Variants in CREBL2 observed in about 807,000 individuals in gnomAD.
The protein encoded by CREBL2 is cAMP responsive element binding protein like 2.
In CREBL2, 4 loss-of-function variants were observed where a neutral mutation model predicts 19.5. The observed-to-expected ratio is 0.20, with a 90% confidence interval of 0.10 to 0.47. The LOEUF (loss-of-function observed/expected upper bound fraction) is 0.47, where lower values mean the gene tolerates loss of function less well. Among genes scored for constraint, CREBL2 ranks in the 20% least tolerant of loss-of-function variants. CREBL2 has a pLI of 0.98. For synonymous variants in CREBL2, 42 were observed against 46.6 expected, an observed-to-expected ratio of 0.90 and a Z score of 0.40; for missense variants, 85 against 145.1, an observed-to-expected ratio of 0.59 and a Z score of 2.13.
At chr12:12,638,842 CA>C (rs1185484558) in intron 3 of CREBL2, among the ~76,000 whole-genome samples, 2 of 152,136 alleles carry the variant, frequency 1.3e-5, no homozygotes, top group Non-Finnish European at 2.9e-5. Flanking sequence ...GTAAAATTCA[CA>C]TAACATAAAA....
chr12:12,625,151 G>A (rs1171846042), intron 1 of CREBL2, among the ~76,000 whole-genome samples: 15 of 152,166 alleles, frequency 9.9e-5, no homozygotes, highest in Admixed American at 9.8e-4. Flanking sequence ...CAACATTCGA[G>A]TGGGAAAACA....
In CREBL2 at chr12:12,620,526, G is replaced by A. The variant is rs59683624; in HGVS notation, c.15+8339G>A. Among the ~76,000 whole-genome samples the A allele has an allele frequency of 7.0e-3, 1,058 of 152,152 alleles. 16 individuals are homozygous for A. Among genetic ancestry groups the A allele is most frequent in the African/African-American group, 0.024 (986 of 41,502 alleles). On this transcript the variant is annotated intron_variant, in intron 1 of 3. Coordinates refer to ENST00000228865, the MANE Select transcript of CREBL2 (RefSeq NM_001310.4). Reference sequence around the variant, plus strand: ...ATTACGGACATGAGCCACCATGCCCGGCCGCCTTCCTTTCTTGTCTAGGTT... The same window carrying A: ...ATTACGGACATGAGCCACCATGCCCAGCCGCCTTCCTTTCTTGTCTAGGTT...
At position 12,635,988 on chromosome 12, in the gene CREBL2, A is replaced by ACCTTG; in HGVS notation, c.213+14_213+15insCCTTG. On this transcript the variant is annotated intron_variant, in intron 2 of 3. Transcript: ENST00000228865. ...GAACTGGAAATGGTAAGAAATCGTC[A>ACCTTG]GTAAACACATGAAAAAATCACCTTA... 1 of 1,604,184 alleles carries ACCTTG rather than the reference A, an allele frequency of 6.2e-7. No homozygotes were observed. The highest frequency in any genetic ancestry group is 1.1e-5 in the South Asian group (1 of 89,520).
intron 1 of CREBL2, among the ~76,000 whole-genome samples, chr12:12,630,076 T>C (rs1424262430): frequency 1.3e-5 from 2 of 152,278 alleles, no homozygotes; most frequent in East Asian, 3.9e-4. Context: ...TTTCTTCTGA[T>C]ATCTTTGGTT....
intron 1 of CREBL2, among the ~76,000 whole-genome samples, chr12:12,633,256 G>A (rs34975957): frequency 0.34 from 51,755 of 151,510 alleles, 9,207 homozygotes; most frequent in South Asian, 0.46. Context: ...TTGTTATAAT[G>A]TAATAAAAAC....
At chr12:12,612,359 C>G (rs1033988843) in intron 1 of CREBL2, among the ~76,000 whole-genome samples, 172 bp downstream of exon 1, 1 of 152,182 alleles carries the variant, frequency 6.6e-6, no homozygotes, top group African/African-American at 2.4e-5. Flanking sequence ...TCAGGGAACA[C>G]CGGGGCTGCG....
chr12:12,612,611 T>C (rs1945277061), intron 1 of CREBL2, among the ~76,000 whole-genome samples: 1 of 152,146 alleles, frequency 6.6e-6, no homozygotes, highest in Non-Finnish European at 1.5e-5. Context: ...GCCCCATTCA[T>C]ATAATCAGTT....
At chr12:12,641,865 C>A in intron 3 of CREBL2, 129 bp from the exon 4 acceptor site, 1 of 471,656 alleles carries the variant, frequency 2.1e-6, no homozygotes, top group Non-Finnish European at 3.7e-6. Context: ...TTTTTTTAGT[C>A]TGTATTTTTA....
intron 1 of CREBL2, among the ~76,000 whole-genome samples, chr12:12,618,457 C>A (rs1945332012): frequency 6.6e-6 from 1 of 151,202 alleles, no homozygotes; most frequent in Non-Finnish European, 1.5e-5. Context: ...AGGCGCTCCC[C>A]ACATCTCAGA....
In CREBL2 at chr12:12,642,109, C is replaced by T. The variant is rs1945527705; in HGVS notation, c.*111C>T. 1 of 693,220 alleles carries T rather than the reference C, an allele frequency of 1.4e-6. No homozygotes were observed. Among genetic ancestry groups the T allele is most frequent in the Admixed American group, 3.3e-5 (1 of 30,676 alleles). 42.9% of individuals were successfully genotyped at this position (693,220 alleles called of 1,614,324 possible). On this transcript the variant is annotated 3_prime_UTR_variant, in exon 4 of 4. Transcript: ENST00000228865. ...CATTTACTACCTACTGCTCAGTAGT[C>T]ATCTCTGTAAATCTGCAATTTCTAC...
chr12:12,631,042 T>A (rs555894478), intron 1 of CREBL2, among the ~76,000 whole-genome samples: 1 of 152,370 alleles, frequency 6.6e-6, no homozygotes, highest in East Asian at 1.9e-4. Context: ...GTTTAGCTTG[T>A]CTTAAAAGAG....
Position 12,644,922 on chromosome 12 carries a change from T to G in CREBL2, c.*2924T>G, listed in dbSNP as rs1024715302. The G allele has an allele frequency of 5.9e-5, 9 of 152,194 alleles. No homozygotes were observed. The highest frequency in any genetic ancestry group is 1.9e-4 in the African/African-American group (8 of 41,432). 9.4% of individuals were successfully genotyped at this position (152,194 alleles called of 1,614,324 possible). On this transcript the variant is annotated 3_prime_UTR_variant, in exon 4 of 4. Coordinates refer to ENST00000228865, the MANE Select transcript of CREBL2 (RefSeq NM_001310.4). The stretch of plus-strand genomic sequence containing the variant: ...TGCATATTATCCATTACATATTTAG[T>G]TTTAAAAGGAGGAGTCACCTTGAAT...
chr12:12,643,316 C>T lies in CREBL2; in HGVS notation c.*1318C>T, dbSNP rs1945539917. ...AATCAAGCTCATAATATGATACACC[C>T]AGACAGACCCAGAAATCTTTTGATT... On this transcript the variant is annotated 3_prime_UTR_variant, in exon 4 of 4. Coordinates refer to ENST00000228865, the MANE Select transcript of CREBL2 (RefSeq NM_001310.4). 6.6e-6 allele frequency: 1 copy of T among 152,624 alleles called. No individual in the cohort carries two copies. Among genetic ancestry groups the T allele is most frequent in the African/African-American group, 2.4e-5 (1 of 41,434 alleles). 9.5% of individuals were successfully genotyped at this position (152,624 alleles called of 1,614,324 possible).
At chr12:12,620,223 TTTC>T (rs1279611865) in intron 1 of CREBL2, among the ~76,000 whole-genome samples, 1 of 128,296 alleles carries the variant, frequency 7.8e-6, no homozygotes, top group Non-Finnish European at 1.7e-5. Flanking sequence ...ATGTGCTTGC[TTTC>T]TTTTCTTTTC....
chr12:12,628,324 G>A (rs941327580), intron 1 of CREBL2, among the ~76,000 whole-genome samples: 5 of 152,134 alleles, frequency 3.3e-5, no homozygotes, highest in African/African-American at 1.2e-4. Flanking sequence ...TTGGAGGAAT[G>A]TCTATCCAAA....
intron 3 of CREBL2, among the ~76,000 whole-genome samples, chr12:12,639,207 T>A (rs1945499395): frequency 6.6e-6 from 1 of 152,254 alleles, no homozygotes; most frequent in Non-Finnish European, 1.5e-5. Flanking sequence ...TGTTTATCCT[T>A]TGATGGACAT....
At chr12:12,629,538 A>T (rs1945427199) in intron 1 of CREBL2, among the ~76,000 whole-genome samples, 2 of 152,112 alleles carry the variant, frequency 1.3e-5, no homozygotes, top group African/African-American at 4.8e-5. Context: ...ATTCTTTTGG[A>T]TTGGATTTTC....
At chr12:12,636,015 CA>C (rs1213235493) in intron 2 of CREBL2, 41 bp downstream of exon 2, 1 of 1,543,112 alleles carries the variant, frequency 6.5e-7, no homozygotes, top group East Asian at 2.3e-5. Flanking sequence ...ATCACCTTAA[CA>C]GTCAAATAAA....
In CREBL2 at chr12:12,643,577, T is replaced by A. The variant is rs182096274; in HGVS notation, c.*1579T>A. 1 of 152,370 alleles carries A rather than the reference T, an allele frequency of 6.6e-6. No individual in the cohort carries two copies. 9.4% of individuals were successfully genotyped at this position (152,370 alleles called of 1,614,324 possible). A position where few individuals can be genotyped will look rare whatever the true frequency, so the allele number is the denominator to read the frequency against. On this transcript the variant is annotated 3_prime_UTR_variant, in exon 4 of 4. Transcript: ENST00000228865. ...TAAGATTACAAGGTACTTTCCCTCT[T>A]CTCTCAGGCCATGCATTTGAATAAA...
Sources: allele counts gnomAD v4.1 joint callset (sites outside exome capture counted in the v4.1 genomes callset), GRCh38; gene constraint gnomAD v4.1.1; transcripts MANE v1.5; gene names NCBI Gene and HGNC (gene_info 2026-07-23, HGNC 2026-07-21).